The following RAPGEFL1 variants were observed in gnomAD, a reference collection of about 807,000 sequenced individuals.
RAPGEFL1 encodes rap guanine nucleotide exchange factor-like 1.
RAPGEFL1 carries 31 observed loss-of-function variants against 64.4 expected under a neutral mutation model. The ratio of observed to expected loss-of-function variants is 0.48; its 90% CI spans 0.36 to 0.65. RAPGEFL1 has a LOEUF of 0.65. Ranked by LOEUF, RAPGEFL1 falls within the 30% of genes least tolerant of loss-of-function variation. The pLI is 0.00. For missense variants in RAPGEFL1, 682 were observed against 677.4 expected (o/e 1.01, Z -0.08); for synonymous variants, 331 against 274.1 (o/e 1.21, Z -2.05).
rs749473003 is a variant in RAPGEFL1, at chr17:40,191,591, G to T, written c.1524G>T (p.Gln508His). Reference protein sequence around the residue: ...KFIKIAALCKQNQDLLSFYAV... With the variant: ...KFIKIAALCKHNQDLLSFYAV... ...CCTCCCACCCCCGCAGCTGCAAGCA[G>T]AACCAGGACCTGCTGTCTTTCTACG... The change falls in exon 10 of 15, where the codon CAG (glutamine) becomes CAT (histidine). Residue 508 changes from glutamine to histidine, a missense_variant. By Grantham distance (24) the Gln-to-His change is conservative. Coordinates refer to ENST00000620260, the MANE Select transcript of RAPGEFL1 (RefSeq NM_016339.6). This position sits in a 1 kb window ranked among gnomAD's most constrained non-coding sequence, Gnocchi z 5.1. 20 of 1,605,174 alleles carry T rather than the reference G, an allele frequency of 1.2e-5. No homozygotes were observed. The South Asian group carries it at 1.9e-4, about 15-fold the overall frequency.
Position 40,191,703 on chromosome 17 carries a change from A to T in RAPGEFL1, c.1605+31A>T, listed in dbSNP as rs1990279164. On this transcript the variant is annotated intron_variant, in intron 10 of 14. Transcript: ENST00000620260. The surrounding 1 kb of genome is among the most constrained non-coding windows in gnomAD (Gnocchi z 5.1). ...GAGACCCCTCCCGTTCCTACCTGGG[A>T]ATCTGGGCATCCCGGGCTCCCCGAA... 6.3e-7 allele frequency: 1 copy of T among 1,589,400 alleles called. No individual in the cohort carries two copies. The highest frequency in any genetic ancestry group is 1.8e-5 in the Admixed American group (1 of 56,606).
Position 40,193,952 on chromosome 17 carries a change from CT to C in RAPGEFL1, c.*165del, listed in dbSNP as rs1990371829. On this transcript the variant is annotated 3_prime_UTR_variant, in exon 15 of 15. Transcript: ENST00000620260. Reference sequence around the variant, plus strand: ...CCCTGGACCCATAAGTCTGTTCATCCTGCTGAAGTCCCCTCCCCATTGCTCC... The same window carrying C: ...CCCTGGACCCATAAGTCTGTTCATCCGCTGAAGTCCCCTCCCCATTGCTCC... 1.1e-6 allele frequency: 1 copy of C among 917,682 alleles called. No individual in the cohort carries two copies. The allele number at this position is 917,682 out of a possible 1,614,324, so 56.8% of individuals were successfully genotyped here.
chr17:40,189,260 C>T lies in RAPGEFL1; in HGVS notation c.999C>T (p.Arg333=). Reference sequence around the variant, plus strand: ...ACTCTTATGTGACCATACGCAGCCGCCTTTCAGCATCTGTGCAGGACATTC... The same window carrying T: ...ACTCTTATGTGACCATACGCAGCCGTCTTTCAGCATCTGTGCAGGACATTC... ...PDHSYVTIRS[R]LSASVQDILG... Residue 333 remains arginine (R), a synonymous_variant, in exon 6 of 15, where the codon CGC becomes CGT. Coordinates refer to ENST00000620260, the MANE Select transcript of RAPGEFL1 (RefSeq NM_016339.6). The T allele has an allele frequency of 6.2e-7, 1 of 1,614,188 alleles. No individual in the cohort carries two copies. The highest frequency in any genetic ancestry group is 2.2e-5 in the East Asian group (1 of 44,884).
chr17:40,188,655 A>G, intron 4 of RAPGEFL1: 1 of 576,730 alleles, frequency 1.7e-6, no homozygotes, highest in East Asian at 2.9e-5. Context: ...ATCAGAGAAG[A>G]ATTCATGGAA....
chr17:40,185,519 C>CA (rs1012933421), intron 4 of RAPGEFL1, among the ~76,000 whole-genome samples: 3,968 of 36,144 alleles, frequency 0.11, 101 homozygotes, highest in Non-Finnish European at 0.14. Flanking sequence ...GTCTCCACTA[C>CA]AAAAAAAAAA....
chr17:40,188,682 A>AG (rs1990158697), intron 4 of RAPGEFL1, 184 bp from the exon 5 acceptor site: 2 of 596,786 alleles, frequency 3.4e-6, no homozygotes, highest in Non-Finnish European at 6.0e-6. Context: ...GCATTTGATT[A>AG]GGGTTACTTG....
chr17:40,177,941 G>C lies in RAPGEFL1; in HGVS notation c.80G>C (p.Gly27Ala), dbSNP rs1012155605. ...GRTVAGGPGG[G>A]LGSCGGPGGG... Reference sequence around the variant, plus strand: ...ACGGTGGCGGGAGGTCCCGGCGGGGGTCTGGGGAGCTGCGGTGGGCCTGGA... The same window carrying C: ...ACGGTGGCGGGAGGTCCCGGCGGGGCTCTGGGGAGCTGCGGTGGGCCTGGA... The change falls in exon 1 of 15, where the codon GGT (glycine) becomes GCT (alanine). Residue 27 changes from glycine (G) to alanine (A), a missense_variant. Physicochemically the swap from Gly to Ala is moderately conservative, Grantham distance 60. Coordinates refer to ENST00000620260, the MANE Select transcript of RAPGEFL1 (RefSeq NM_016339.6). 2.2e-6 allele frequency: 1 copy of C among 449,320 alleles called. No homozygotes were observed. Among genetic ancestry groups the C allele is most frequent in the African/African-American group, 2.0e-5 (1 of 48,790 alleles). 27.8% of individuals were successfully genotyped at this position (449,320 alleles called of 1,614,324 possible). A position where few individuals can be genotyped will look rare whatever the true frequency, so the allele number is the denominator to read the frequency against.
At chr17:40,183,039 T>A (rs1323832305) in intron 2 of RAPGEFL1, among the ~76,000 whole-genome samples, 1 of 152,028 alleles carries the variant, frequency 6.6e-6, no homozygotes, top group Non-Finnish European at 1.5e-5. Context: ...TCTCAGCTAC[T>A]CAGGAACCTG....
At position 40,190,830 on chromosome 17, in the gene RAPGEFL1, C is replaced by G. The variant is rs1006497642; in HGVS notation, c.1335+68C>G. On this transcript the variant is annotated intron_variant, in intron 8 of 14. Transcript: ENST00000620260. The stretch of plus-strand genomic sequence containing the variant: ...AAATGTGCCATTGGGAGACGGTGTT[C>G]GCAGCACAACGTCCTGGTTCCAAGG... The G allele has an allele frequency of 3.8e-6, 6 of 1,587,740 alleles. No individual in the cohort carries two copies. The African/African-American group carries it at 8.1e-5, about 21-fold the overall frequency.
chr17:40,178,471 G>A (rs965538680), intron 1 of RAPGEFL1, 90 bp downstream of exon 1: 1 of 448,326 alleles, frequency 2.2e-6, no homozygotes, highest in Non-Finnish European at 4.0e-6. Context: ...GCGCCGTGCC[G>A]GGGCTTGGTT....
chr17:40,188,614 A>G, intron 4 of RAPGEFL1: 1 of 522,542 alleles, frequency 1.9e-6, no homozygotes, highest in Non-Finnish European at 3.5e-6. Flanking sequence ...TAGTTGAGAG[A>G]AGAAAGTGAC....
upstream of RAPGEFL1, chr17:40,177,379 A>G (rs1400518245): frequency 4.3e-6 from 3 of 698,542 alleles, no homozygotes; most frequent in Middle Eastern, 2.3e-4. Flanking sequence ...GCGCGAGTTC[A>G]AGCCTCGTGC....
At chr17:40,192,862 A>G in intron 12 of RAPGEFL1, 64 bp from the exon 13 acceptor site, 1 of 1,428,414 alleles carries the variant, frequency 7.0e-7, no homozygotes, top group Admixed American at 1.7e-5. Flanking sequence ...CCTCGGGTGC[A>G]GTGGCCCCTT....
In RAPGEFL1 at chr17:40,192,641, G is replaced by C. The variant is rs1990315620; in HGVS notation, c.1692G>C (p.Val564=). The C allele has an allele frequency of 1.9e-6, 3 of 1,614,008 alleles. No individual in the cohort carries two copies. The highest frequency in any genetic ancestry group is 3.3e-5 in the Admixed American group (2 of 60,006). ...GGAACCACAAAAGCTACCGAGAAGTGATCTCCAAAATGAAGCCCCCTGTGA... is the reference window on the plus strand; with the variant it reads ...GGAACCACAAAAGCTACCGAGAAGTCATCTCCAAAATGAAGCCCCCTGTGA... The part of the protein sequence containing the change: ...PCRNHKSYRE[V]ISKMKPPVIP... Residue 564 remains valine (V), a synonymous_variant, in exon 12 of 15, where the codon GTG becomes GTC. Transcript: ENST00000620260.
chr17:40,184,590 C>T lies in RAPGEFL1; in HGVS notation c.745C>T (p.Leu249=), dbSNP rs1431321714. 1 of 1,546,566 alleles carries T rather than the reference C, an allele frequency of 6.5e-7. No homozygotes were observed. The highest frequency in any genetic ancestry group is 1.1e-5 in the South Asian group (1 of 87,072). The part of the protein sequence containing the change: ...GAGHIIKDLY[L]LIMKDESLYQ... ...GTCCTCCTCTCTCCAGGATCTATAC[C>T]TGCTAATTATGAAGGACGAGTCCCT... is the stretch of plus-strand genomic sequence containing the variant. Residue 249 remains leucine (L), a synonymous_variant, in exon 4 of 15, where the codon CTG becomes TTG. Coordinates refer to ENST00000620260, the MANE Select transcript of RAPGEFL1 (RefSeq NM_016339.6).
chr17:40,178,518 C>A lies in RAPGEFL1; in HGVS notation c.520+137C>A, dbSNP rs189703750. On this transcript the variant is annotated intron_variant, in intron 1 of 14. Coordinates refer to ENST00000620260, the MANE Select transcript of RAPGEFL1 (RefSeq NM_016339.6). ...TGGTCCGCGGAAGCCGGCTAGGGGC[C>A]TAGCGGAGGTACAGACCCTCCCGCG... The A allele has an allele frequency of 1.0e-3, 421 of 416,108 alleles. 4 individuals are homozygous for A. The Middle Eastern group carries it at 0.022, about 22-fold the overall frequency. 25.8% of individuals were successfully genotyped at this position (416,108 alleles called of 1,614,324 possible). A position where few individuals can be genotyped will look rare whatever the true frequency, so the allele number is the denominator to read the frequency against.
At chr17:40,189,403 G>A in intron 6 of RAPGEFL1, 28 bp downstream of exon 6, 1 of 1,611,062 alleles carries the variant, frequency 6.2e-7, no homozygotes. Context: ...CTGGGCTGAT[G>A]CTCCGAGAGG....
intron 11 of RAPGEFL1, 21 bp from the exon 12 acceptor site, chr17:40,192,585 C>T (rs1346973836): frequency 6.3e-7 from 1 of 1,596,662 alleles, no homozygotes; most frequent in Non-Finnish European, 8.6e-7. Context: ...GTCCCTTGAT[C>T]TCTCTCCTGT....
In RAPGEFL1 at chr17:40,178,043, G is replaced by A; in HGVS notation, c.182G>A (p.Arg61His). 1.7e-6 allele frequency: 1 copy of A among 591,100 alleles called. No individual in the cohort carries two copies. The highest frequency in any genetic ancestry group is 1.9e-5 in the South Asian group (1 of 51,642). 36.6% of individuals were successfully genotyped at this position (591,100 alleles called of 1,614,324 possible). Residue 61 changes from arginine (R) to histidine (H), a missense_variant, in exon 1 of 15, where the codon CGC becomes CAC. Coordinates refer to ENST00000620260, the MANE Select transcript of RAPGEFL1 (RefSeq NM_016339.6). ...TTGCAGCGGCGTCAGAGCGTGTCTCGCCTGCTGCTCCCCGCTTTCCTCCGG... is the reference window on the plus strand; with the variant it reads ...TTGCAGCGGCGTCAGAGCGTGTCTCACCTGCTGCTCCCCGCTTTCCTCCGG... ...RSLQRRQSVS[R>H]LLLPAFLREP...
Sources: gnomAD v4.1 joint callset for allele counts (sites outside exome capture counted in the v4.1 genomes callset) on GRCh38, gnomAD v4.1.1 for gene constraint, Gnocchi (gnomAD v3.1) non-coding constraint, MANE v1.5 for transcripts, NCBI Gene and HGNC (gene_info 2026-07-23, HGNC 2026-07-21) for gene names.